The following HS3ST5 variants were observed in gnomAD, a reference collection of about 807,000 sequenced individuals.
HS3ST5 encodes the protein heparan sulfate-glucosamine 3-sulfotransferase 5.
HS3ST5 carries 10 observed loss-of-function variants against 25.4 expected under a neutral mutation model. The ratio of observed to expected loss-of-function variants is 0.39; its 90% CI spans 0.24 to 0.67. The LOEUF (loss-of-function observed/expected upper bound fraction) is 0.67. Among genes scored for constraint, HS3ST5 ranks in the 30% least tolerant of loss-of-function variants. HS3ST5 has a pLI of 0.44. For missense variants in HS3ST5, 324 were observed against 420.7 expected (o/e 0.77, Z 2.01); for synonymous variants, 170 against 162.4 (o/e 1.05, Z -0.36).
At chr6:114,238,457 AT>A (rs1483488194) in intron 1 of HS3ST5, among the ~76,000 whole-genome samples, 1 of 152,166 alleles carries the variant, frequency 6.6e-6, no homozygotes, top group Admixed American at 6.5e-5. Flanking sequence ...TAGGAAAAAA[AT>A]ATTTTTTGTG....
intron 1 of HS3ST5, among the ~76,000 whole-genome samples, chr6:114,318,841 C>A (rs1775849796): frequency 6.6e-6 from 1 of 152,152 alleles, no homozygotes; most frequent in Non-Finnish European, 1.5e-5. Context: ...TATGCTTGGA[C>A]CTAGCAAGTG....
chr6:114,086,477 A>T (rs1451115348), intron 3 of HS3ST5, among the ~76,000 whole-genome samples: 2 of 152,188 alleles, frequency 1.3e-5, no homozygotes, highest in Admixed American at 1.3e-4. Flanking sequence ...TCTGCCAACC[A>T]CAAGAATGAA....
chr6:114,118,208 G>A (rs547161180), intron 3 of HS3ST5, among the ~76,000 whole-genome samples: 1 of 152,266 alleles, frequency 6.6e-6, no homozygotes, highest in East Asian at 1.9e-4. Context: ...TTGAGATTCT[G>A]AGGGGGCATG....
chr6:114,130,967 AG>A (rs1402257197), intron 3 of HS3ST5, among the ~76,000 whole-genome samples: 1 of 152,162 alleles, frequency 6.6e-6, no homozygotes, highest in Non-Finnish European at 1.5e-5. Flanking sequence ...GCTTAAATCC[AG>A]GAACTCAAGG....
chr6:114,313,196 C>T (rs1775609379), intron 1 of HS3ST5, among the ~76,000 whole-genome samples: 1 of 152,010 alleles, frequency 6.6e-6, no homozygotes, highest in Admixed American at 6.6e-5. Context: ...CAACAACATA[C>T]CAACAATACC....
At chr6:114,079,024 A>C (rs1031554543) in intron 3 of HS3ST5, among the ~76,000 whole-genome samples, 1 of 152,250 alleles carries the variant, frequency 6.6e-6, no homozygotes, top group Non-Finnish European at 1.5e-5. Context: ...TAATTTTAAA[A>C]TATTGTATTG....
chr6:114,111,225 T>C (rs1776251373), intron 3 of HS3ST5, among the ~76,000 whole-genome samples: 1 of 152,186 alleles, frequency 6.6e-6, no homozygotes, highest in Non-Finnish European at 1.5e-5. Flanking sequence ...CATAACTAAT[T>C]CAATGCTTTC....
At chr6:114,196,249 G>A (rs959630418) in intron 2 of HS3ST5, among the ~76,000 whole-genome samples, 20 of 152,054 alleles carry the variant, frequency 1.3e-4, no homozygotes, top group African/African-American at 4.8e-4. Flanking sequence ...ATGCATTGGC[G>A]AGACTGTAAC....
intron 3 of HS3ST5, among the ~76,000 whole-genome samples, chr6:114,140,425 A>T (rs1196274849): frequency 6.6e-6 from 1 of 152,222 alleles, no homozygotes; most frequent in African/African-American, 2.4e-5. Flanking sequence ...TGGTTGGTAG[A>T]TCTGGCCAAA....
intron 2 of HS3ST5, among the ~76,000 whole-genome samples, chr6:114,185,891 A>T (rs1419757959): frequency 1.3e-5 from 2 of 151,938 alleles, no homozygotes; most frequent in Non-Finnish European, 2.9e-5. Context: ...GGCACACATT[A>T]CTTTGCCAAA....
At chr6:114,187,565 A>G (rs1296508485) in intron 2 of HS3ST5, among the ~76,000 whole-genome samples, 2 of 152,242 alleles carry the variant, frequency 1.3e-5, no homozygotes, top group Non-Finnish European at 2.9e-5. Flanking sequence ...ATGAATGAGC[A>G]AAGAAAGTGG....
intron 2 of HS3ST5, among the ~76,000 whole-genome samples, chr6:114,195,053 G>A (rs1046795847): frequency 1.2e-4 from 19 of 152,264 alleles, no homozygotes; most frequent in Non-Finnish European, 1.9e-4. Flanking sequence ...AAAGAAAGTG[G>A]GCAGGACACA....
intron 1 of HS3ST5, among the ~76,000 whole-genome samples, chr6:114,244,536 T>C (rs760271737): frequency 1.6e-4 from 25 of 152,192 alleles, no homozygotes; most frequent in Non-Finnish European, 2.8e-4. Context: ...ACATAAATGT[T>C]AGGTGAAATA....
chr6:114,187,937 C>A (rs139324368), intron 2 of HS3ST5, among the ~76,000 whole-genome samples: 1,560 of 152,276 alleles, frequency 0.01, 25 homozygotes, highest in African/African-American at 0.035. Flanking sequence ...ACTGAAGGTG[C>A]AGATGATCGT....
chr6:114,078,060 C>T (rs1242059295), intron 3 of HS3ST5, among the ~76,000 whole-genome samples: 1 of 152,088 alleles, frequency 6.6e-6, no homozygotes, highest in Non-Finnish European at 1.5e-5. Flanking sequence ...ATGAATGTAT[C>T]ATATTCAAAT....
intron 1 of HS3ST5, among the ~76,000 whole-genome samples, chr6:114,302,240 G>A (rs1236262221): frequency 1.3e-5 from 2 of 151,976 alleles, no homozygotes; most frequent in African/African-American, 2.4e-5. Context: ...AAAATTAATC[G>A]TTTCAATCAA....
chr6:114,100,887 A>G (rs1775696968), intron 3 of HS3ST5, among the ~76,000 whole-genome samples: 1 of 152,196 alleles, frequency 6.6e-6, no homozygotes, highest in African/African-American at 2.4e-5. Context: ...GATGGAGGAG[A>G]AGATTTGTGT....
intron 1 of HS3ST5, among the ~76,000 whole-genome samples, chr6:114,243,418 A>AT (rs1420108353): frequency 2.0e-5 from 3 of 152,204 alleles, no homozygotes; most frequent in African/African-American, 7.2e-5. Flanking sequence ...CATGACACAT[A>AT]TGAGAACTAG....
intron 2 of HS3ST5, among the ~76,000 whole-genome samples, chr6:114,226,335 A>C (rs1000199028): frequency 2.0e-5 from 3 of 152,022 alleles, no homozygotes; most frequent in Non-Finnish European, 4.4e-5. Flanking sequence ...ATACCTAAAA[A>C]TTATTTCGAT....
Sources: allele counts gnomAD v4.1 joint callset (sites outside exome capture counted in the v4.1 genomes callset), GRCh38; gene constraint gnomAD v4.1.1; transcripts MANE v1.5; gene names NCBI Gene and HGNC (gene_info 2026-07-23, HGNC 2026-07-21).